Variants in ZNF43 observed in about 807,000 individuals in gnomAD.
The protein encoded by ZNF43 is zinc finger protein 39-like 1 (KOX 27).
ZNF43 carries 44 observed loss-of-function variants against 68.4 expected under a neutral mutation model. The ratio of observed to expected loss-of-function variants is 0.64; its 90% CI spans 0.51 to 0.83. ZNF43 has a LOEUF of 0.83. Ranked by LOEUF, ZNF43 falls within the 40% of genes least tolerant of loss-of-function variation. ZNF43 has a pLI of 0.00. For missense variants in ZNF43, 896 were observed against 933.2 expected (o/e 0.96, Z 0.52); for synonymous variants, 308 against 307.8 (o/e 1.00, Z -0.01).
At chr19:21,837,659 A>T, upstream of ZNF43, among the ~76,000 whole-genome samples, 1 of 151,906 alleles carries the variant, frequency 6.6e-6, no homozygotes, top group East Asian at 1.9e-4. Context: ...TATGAATACC[A>T]GCTAATTTTT....
chr19:21,833,067 T>C (rs1308226894), intron 1 of ZNF43, among the ~76,000 whole-genome samples: 5 of 152,202 alleles, frequency 3.3e-5, no homozygotes, highest in African/African-American at 4.8e-5. Flanking sequence ...ACCACTTATA[T>C]ACCACGTTTT....
At chr19:21,846,233 G>A (rs1967945443) in intron 1 of ZNF43, among the ~76,000 whole-genome samples, 1 of 151,678 alleles carries the variant, frequency 6.6e-6, no homozygotes, top group African/African-American at 2.4e-5. Flanking sequence ...CACATCGCAT[G>A]GGTGCTGGGC....
chr19:21,843,990 A>G (rs1967725746), intron 1 of ZNF43, among the ~76,000 whole-genome samples: 1 of 152,140 alleles, frequency 6.6e-6, no homozygotes, highest in Non-Finnish European at 1.5e-5. Context: ...TATGAGTATA[A>G]CAATGTCACC....
intron 1 of ZNF43, among the ~76,000 whole-genome samples, chr19:21,847,934 T>C (rs10425725): frequency 0.36 from 55,257 of 151,746 alleles, 11,164 homozygotes; most frequent in African/African-American, 0.54. Flanking sequence ...GCAATTCTCC[T>C]GTCTCAGCCT....
At chr19:21,842,008 T>C (rs145278226) in intron 1 of ZNF43, among the ~76,000 whole-genome samples, 4 of 152,296 alleles carry the variant, frequency 2.6e-5, no homozygotes, top group East Asian at 3.9e-4. Context: ...AGGAGAATTA[T>C]GACATTATCT....
chr19:21,851,999 G>A, exon 1 of ZNF43: 1 of 1,505,558 alleles, frequency 6.6e-7, no homozygotes, highest in Non-Finnish European at 8.9e-7. Context: ...AAAGTCACCG[G>A]GGATTCCCGA....
chr19:21,845,510 G>C (rs1293860118), intron 1 of ZNF43: 2 of 152,056 alleles, frequency 1.3e-5, no homozygotes, highest in Non-Finnish European at 2.9e-5. Context: ...ACATCACCTA[G>C]GTGATGAATG....
intron 1 of ZNF43, among the ~76,000 whole-genome samples, chr19:21,832,490 A>G (rs1346869191): frequency 1.3e-5 from 2 of 152,222 alleles, no homozygotes; most frequent in Admixed American, 6.5e-5. Context: ...CATGATGGAG[A>G]TACCAAAAGC....
At position 21,836,137 on chromosome 19, in the gene ZNF43, CAGA is replaced by C. The variant is rs2038720848; in HGVS notation, c.-102_-100del. The C allele has an allele frequency of 1.3e-6, 2 of 1,594,436 alleles. No homozygotes were observed. Among genetic ancestry groups the C allele is most frequent in the Non-Finnish European group, 8.5e-7 (1 of 1,169,922 alleles). The stretch of plus-strand genomic sequence containing the variant: ...GCTGGACCTCTAGCAGCAGAGGACA[CAGA>C]AGAACGAAGACGAGACGCAGAGCTC... On this transcript the variant is annotated 5_prime_UTR_variant, in exon 1 of 4. Coordinates refer to ENST00000354959, the MANE Select transcript of ZNF43 (RefSeq NM_003423.4).
chr19:21,843,619 T>C (rs1472200407), intron 1 of ZNF43, among the ~76,000 whole-genome samples: 2 of 151,952 alleles, frequency 1.3e-5, no homozygotes, highest in Admixed American at 1.3e-4. Context: ...CAAAATCTCA[T>C]CTCTACTCAA....
At chr19:21,814,358 A>AACAC (rs1055624473) in intron 3 of ZNF43, among the ~76,000 whole-genome samples, 2 of 151,946 alleles carry the variant, frequency 1.3e-5, no homozygotes, top group Non-Finnish European at 2.9e-5. Flanking sequence ...TATATTTATA[A>AACAC]ACACACACAC....
rs1286159379 is a variant in ZNF43 at position 21,836,171 on chromosome 19, G to A, written c.-133C>T. On this transcript the variant is annotated 5_prime_UTR_variant, in exon 1 of 4. Coordinates refer to ENST00000354959, the MANE Select transcript of ZNF43 (RefSeq NM_003423.4). ...GAAGACGAGACGCAGAGCTCCAACT[G>A]CAGCCAGAGACAAAGGCCCCGCCAC... 8 of 1,549,530 alleles carry A rather than the reference G, an allele frequency of 5.2e-6. 1 individual carries two copies. The highest frequency in any genetic ancestry group is 2.4e-5 in the South Asian group (2 of 82,584).
chr19:21,838,569 T>G (rs1270396191), upstream of ZNF43, among the ~76,000 whole-genome samples: 1 of 152,002 alleles, frequency 6.6e-6, no homozygotes, highest in Non-Finnish European at 1.5e-5. Context: ...CTGGCTAATT[T>G]TTGTATTTTT....
rs1464844706 is a variant in ZNF43 at position 21,809,233 on chromosome 19, G to T, written c.804C>A (p.Asn268Lys). The change falls in exon 4 of 4, where the codon AAC (asparagine) becomes AAA (lysine). Residue 268 changes from asparagine to lysine, a missense_variant. By Grantham distance (94) the Asn-to-Lys change is moderately conservative (BLOSUM62 0). Transcript: ENST00000354959. ...YKCEECGKAF[N>K]KSSILTTHKI... ...TATGGGTAGTAAGGATTGAGGACTT[G>T]TTAAAAGCTTTGCCACATTCTTCAC... 4.3e-6 allele frequency: 7 copies of T among 1,613,078 alleles called. No homozygotes were observed. The South Asian group carries it at 7.7e-5, about 18-fold the overall frequency.
chr19:21,827,793 C>T (rs1002640340), intron 1 of ZNF43, among the ~76,000 whole-genome samples: 1 of 151,892 alleles, frequency 6.6e-6, no homozygotes, highest in African/African-American at 2.4e-5. Context: ...TCCCAAGTAG[C>T]TAGGATTACA....
chr19:21,822,998 G>A (rs141827350), intron 1 of ZNF43, among the ~76,000 whole-genome samples: 1 of 152,058 alleles, frequency 6.6e-6, no homozygotes, highest in South Asian at 2.1e-4. Context: ...TTTTCTAGGA[G>A]AATTTATTAT....
intron 1 of ZNF43, among the ~76,000 whole-genome samples, chr19:21,834,345 A>C (rs1182932369): frequency 2.0e-5 from 3 of 150,582 alleles, no homozygotes; most frequent in South Asian, 4.2e-4. Flanking sequence ...CAAAAAAAAA[A>C]AAAAAAAAGT....
intron 1 of ZNF43, among the ~76,000 whole-genome samples, chr19:21,827,808 T>G (rs1383967884): frequency 6.6e-6 from 1 of 152,036 alleles, no homozygotes; most frequent in Non-Finnish European, 1.5e-5. Context: ...ATTACAGGCA[T>G]GCACCACAAT....
At chr19:21,836,293 G>T, upstream of ZNF43, 2 of 1,248,464 alleles carry the variant, frequency 1.6e-6, no homozygotes, top group Non-Finnish European at 2.0e-6. Context: ...TCCTGCCCCC[G>T]CAAACCCTGA....
Sources: gnomAD v4.1 joint callset for allele counts (sites outside exome capture counted in the v4.1 genomes callset) on GRCh38, gnomAD v4.1.1 for gene constraint, MANE v1.5 for transcripts, NCBI Gene and HGNC (gene_info 2026-07-23, HGNC 2026-07-21) for gene names.